The following TMEM235 variants were observed in gnomAD, a reference collection of about 807,000 sequenced individuals.
TMEM235 encodes the protein transmembrane protein 235.
Under a neutral mutation model 22.9 loss-of-function variants are expected in TMEM235, and 23 were observed. The observed-to-expected ratio is 1.00, with a 90% CI of 0.72 to 1.42. The LOEUF is 1.42. Ranked by LOEUF, TMEM235 falls within the 40% of genes most tolerant of loss-of-function variation. The pLI, the probability that TMEM235 is intolerant of heterozygous loss-of-function variation, is 0.00. For missense variants in TMEM235, 308 were observed against 299.5 expected, an observed-to-expected ratio of 1.03 and a Z score of -0.21; for synonymous variants, 137 against 140.5, an observed-to-expected ratio of 0.98 and a Z score of 0.17.
exon 4 of TMEM235, chr17:78,234,637 C>T (rs2076622570): frequency 6.5e-7 from 1 of 1,536,240 alleles, no homozygotes; most frequent in Non-Finnish European, 8.7e-7. Flanking sequence ...GAGCCTGGTC[C>T]TTCTCGTGTG....
rs988303744 is a variant in TMEM235 at position 78,237,732 on chromosome 17, C to T, written c.410-1292C>T. On this transcript the variant is annotated intron_variant, in intron 4 of 5. Coordinates refer to ENST00000421688, the Ensembl canonical transcript of TMEM235. The surrounding 1 kb of genome is among the most constrained non-coding windows in gnomAD (Gnocchi z 4.7). ...CCCCACCCCTGCTTCTCCCAGGGAC[C>T]GCTTCATTCAATTTGGCTTCACATT... Among the ~76,000 whole-genome samples, 3 of 152,128 alleles carry T rather than the reference C, an allele frequency of 2.0e-5. No individual in the cohort carries two copies. Among genetic ancestry groups the T allele is most frequent in the African/African-American group, 2.4e-5 (1 of 41,436 alleles).
exon 3 of TMEM235, chr17:78,233,963 C>A: frequency 6.5e-7 from 1 of 1,529,726 alleles, no homozygotes. Context: ...CACCTCGGTG[C>A]AGCACCTCAT....
chr17:78,234,664 C>T (rs2076623321), exon 4 of TMEM235: 6 of 1,536,194 alleles, frequency 3.9e-6, no homozygotes, highest in Non-Finnish European at 5.2e-6. Context: ...GATCTGCGGC[C>T]TGCTCAGCTC....
exon 2 of TMEM235, chr17:78,231,973 GC>G: frequency 2.6e-6 from 2 of 780,726 alleles, no homozygotes; most frequent in Non-Finnish European, 3.0e-6. Flanking sequence ...GCCCCCCGCC[GC>G]CCCCGGGGCC....
intron 2 of TMEM235, among the ~76,000 whole-genome samples, chr17:78,233,682 C>A (rs558787261): frequency 7.5e-4 from 110 of 147,302 alleles, no homozygotes; most frequent in African/African-American, 2.7e-3. Flanking sequence ...GGTGACAGAG[C>A]GAGACTCCAT....
chr17:78,232,660 G>A (rs1344856124), intron 2 of TMEM235, among the ~76,000 whole-genome samples: 1 of 151,910 alleles, frequency 6.6e-6, no homozygotes, highest in Non-Finnish European at 1.5e-5. Context: ...AATGTGTACA[G>A]AGGCTTCAGA....
chr17:78,239,882 C>T, exon 6 of TMEM235: 2 of 1,551,476 alleles, frequency 1.3e-6, no homozygotes, highest in Non-Finnish European at 1.7e-6. Context: ...CTGTTCTGTC[C>T]ACTCTCCCCG....
Position 78,233,942 on chromosome 17 carries a change from C to T in TMEM235, c.238C>T (p.Leu80=), listed in dbSNP as rs1245739674. The stretch of plus-strand genomic sequence containing the variant: ...GGTCGACCCTTTTGCCAGTGAGAGC[C>T]TGGACGTCTCCACCTCGGTGCAGCA... The change falls in exon 3 of 6, where the codon CTG becomes TTG. Residue 80 remains leucine, a synonymous_variant. Coordinates refer to ENST00000421688, the Ensembl canonical transcript of TMEM235. 2.0e-6 allele frequency: 3 copies of T among 1,534,800 alleles called. No homozygotes were observed. The African/African-American group carries it at 4.1e-5, about 21-fold the overall frequency.
chr17:78,236,067 G>A lies in TMEM235; in HGVS notation c.409+1337G>A, dbSNP rs908555752. 1.2e-4 allele frequency among the ~76,000 whole-genome samples: 19 copies of A among 152,320 alleles called. No individual in the cohort carries two copies. The South Asian group carries it at 1.4e-3, about 12-fold the overall frequency. ...CACTGGGGATTATCATTCCACATGCGATTCGGGCCGGGACACCAAACCCTA... is the reference window on the plus strand; with the variant it reads ...CACTGGGGATTATCATTCCACATGCAATTCGGGCCGGGACACCAAACCCTA... On this transcript the variant is annotated intron_variant, in intron 4 of 5. Transcript: ENST00000421688.
intron 2 of TMEM235, among the ~76,000 whole-genome samples, chr17:78,233,163 C>A (rs1567872768): frequency 6.6e-6 from 1 of 152,106 alleles, no homozygotes; most frequent in African/African-American, 2.4e-5. Context: ...ACGCCTGTGC[C>A]TATGCAGGTG....
intron 2 of TMEM235, 63 bp downstream of exon 1, chr17:78,232,276 C>T (rs1014966582): frequency 6.1e-5 from 82 of 1,354,698 alleles, no homozygotes; most frequent in Non-Finnish European, 7.2e-5. Context: ...ACCCCCTTAA[C>T]CCCGCCCTGC....
At chr17:78,233,184 C>G in intron 2 of TMEM235, among the ~76,000 whole-genome samples, 1 of 152,210 alleles carries the variant, frequency 6.6e-6, no homozygotes, top group East Asian at 1.9e-4. Context: ...GCTCTGCACG[C>G]GTGTGAGAAC....
intron 3 of TMEM235, chr17:78,234,231 C>T (rs1409224852): frequency 1.4e-6 from 1 of 695,184 alleles, no homozygotes; most frequent in African/African-American, 1.8e-5. Context: ...TTGGGGAAGC[C>T]AGGCAGCTCC....
exon 6 of TMEM235, chr17:78,239,786 A>G (rs1204409713): frequency 1.3e-6 from 2 of 1,544,758 alleles, no homozygotes; most frequent in South Asian, 2.4e-5. Flanking sequence ...ACAGAGGGGG[A>G]GACTGAGGCC....
At chr17:78,240,595 T>G (rs970040771) in exon 6 of TMEM235, 1 of 152,768 alleles carries the variant, frequency 6.5e-6, no homozygotes, top group Non-Finnish European at 1.5e-5. Flanking sequence ...AACGGCCCCG[T>G]TTGGGGTTTG....
In TMEM235 at chr17:78,237,228, G is replaced by A. The variant is rs540095543; in HGVS notation, c.410-1796G>A. ...TCAGGATGTCACACCAAAGGCACCT[G>A]CCCAGGGTCAGCTCGGCCCTCACCC... On this transcript the variant is annotated intron_variant, in intron 4 of 5. Coordinates refer to ENST00000421688, the Ensembl canonical transcript of TMEM235. This position sits in a 1 kb window ranked among gnomAD's most constrained non-coding sequence, Gnocchi z 4.7. Among the ~76,000 whole-genome samples the A allele has an allele frequency of 2.0e-5, 3 of 152,260 alleles. No individual in the cohort carries two copies. The highest frequency in any genetic ancestry group is 4.1e-4 in the South Asian group (2 of 4,828).
intron 4 of TMEM235, among the ~76,000 whole-genome samples, chr17:78,236,196 G>A (rs779272566): frequency 6.6e-6 from 1 of 152,214 alleles, no homozygotes; most frequent in Non-Finnish European, 1.5e-5. Flanking sequence ...GGGCCTCCAG[G>A]GCAACCCCAG....
At chr17:78,234,160 C>A (rs1018702097) in intron 3 of TMEM235, 185 bp downstream of exon 2, 1 of 705,474 alleles carries the variant, frequency 1.4e-6, no homozygotes. Flanking sequence ...CAGCTCCCAG[C>A]CTATCCTGTT....
intron 2 of TMEM235, among the ~76,000 whole-genome samples, chr17:78,233,650 GC>G (rs547229886): frequency 6.6e-6 from 1 of 150,724 alleles, no homozygotes; most frequent in South Asian, 2.1e-4. Flanking sequence ...AACCGAGATC[GC>G]GCCACTGCAC....
Sources: gnomAD v4.1 joint callset for allele counts (sites outside exome capture counted in the v4.1 genomes callset) on GRCh38, gnomAD v4.1.1 for gene constraint, Gnocchi (gnomAD v3.1) non-coding constraint, MANE v1.5 for transcripts, NCBI Gene and HGNC (gene_info 2026-07-23, HGNC 2026-07-21) for gene names.